The following RAD52 variants were observed in gnomAD, a reference collection of about 807,000 sequenced individuals.
RAD52 encodes the protein RAD52 DNA repair protein, also known as DNA repair protein RAD52 homolog.
In RAD52, 47 loss-of-function variants were observed where a neutral mutation model predicts 55.5. That is an observed-to-expected ratio of 0.85 (90% CI 0.67 to 1.08). The LOEUF (loss-of-function observed/expected upper bound fraction) is 1.08, where lower values mean the gene tolerates loss of function less well. Ranked by LOEUF, RAD52 falls within the 50% of genes least tolerant of loss-of-function variation. The pLI is 0.00. For synonymous variants in RAD52, 184 were observed against 198.9 expected, an observed-to-expected ratio of 0.92 and a Z score of 0.63; for missense variants, 468 against 522.8, an observed-to-expected ratio of 0.90 and a Z score of 1.02.
At chr12:985,451 TTTTTC>T (rs1283177040) in intron 1 of RAD52, among the ~76,000 whole-genome samples, 4 of 152,136 alleles carry the variant, frequency 2.6e-5, no homozygotes, top group Admixed American at 6.5e-5. Context: ...GGTCTCAATT[TTTTTC>T]TTTTGTTACT....
intron 1 of RAD52, among the ~76,000 whole-genome samples, chr12:940,011 G>T (rs1005073101): frequency 2.6e-5 from 4 of 152,144 alleles, no homozygotes; most frequent in African/African-American, 9.6e-5. Context: ...GGAGGCAGAG[G>T]TTGCAGTGAG....
intron 6 of RAD52, among the ~76,000 whole-genome samples, chr12:926,184 G>T (rs1246125100): frequency 2.0e-5 from 3 of 152,072 alleles, no homozygotes; most frequent in Non-Finnish European, 4.4e-5. Flanking sequence ...CTCAGCTCAT[G>T]AGAGATCTGG....
chr12:969,962 C>T (rs183873973), intron 1 of RAD52, among the ~76,000 whole-genome samples: 25 of 151,986 alleles, frequency 1.6e-4, no homozygotes, highest in East Asian at 5.8e-4. Context: ...ACAGACTTTG[C>T]GTCAGTGTGA....
intron 7 of RAD52, among the ~76,000 whole-genome samples, chr12:919,732 C>CA (rs1436942562): frequency 9.6e-6 from 1 of 104,142 alleles, no homozygotes; most frequent in Non-Finnish European, 2.0e-5. Flanking sequence ...GCCTGGGCGA[C>CA]AGAGCAAGAC....
intron 1 of RAD52, among the ~76,000 whole-genome samples, chr12:964,432 G>C (rs1015340846): frequency 2.0e-5 from 3 of 152,246 alleles, no homozygotes; most frequent in Admixed American, 2.0e-4. Context: ...GCCAGGTGTG[G>C]TGGTGTGTGC....
At chr12:990,934 C>CGTGTGTGTGTGT (rs758442595), upstream of RAD52, 20 of 99,418 alleles carry the variant, frequency 2.0e-4, no homozygotes, top group African/African-American at 6.1e-4. Context: ...CCGCAGGGGT[C>CGTGTGTGTGTGT]GTGTGTGTGT....
chr12:939,143 G>T (rs929517198), intron 1 of RAD52, among the ~76,000 whole-genome samples: 2 of 151,346 alleles, frequency 1.3e-5, no homozygotes, highest in African/African-American at 2.4e-5. Context: ...GAACCTAGGT[G>T]AAGGATATGC....
intron 1 of RAD52, among the ~76,000 whole-genome samples, chr12:983,768 AC>A (rs957606771): frequency 6.6e-6 from 1 of 152,092 alleles, no homozygotes; most frequent in Admixed American, 6.5e-5. Flanking sequence ...GATGTTTGTC[AC>A]TGGTATCTCT....
chr12:931,693 C>T (rs749082702), intron 2 of RAD52, among the ~76,000 whole-genome samples: 2 of 152,194 alleles, frequency 1.3e-5, no homozygotes, highest in African/African-American at 2.4e-5. Context: ...GCCTTAGCTG[C>T]TGCTACCATC....
At position 933,053 on chromosome 12, in the gene RAD52, A is replaced by C; in HGVS notation, c.6T>G (p.Ser2=). ...CTCCAAGAATTGCTTCCTCAGTCCC[A>C]GACATCTTGATTCTGGTTGACCTCT... M[S]GTEEAILGGR... The change falls in exon 2 of 12, where the codon TCT becomes TCG. Residue 2 remains serine, a synonymous_variant. Transcript: ENST00000358495. 1 of 1,613,510 alleles carries C rather than the reference A, an allele frequency of 6.2e-7. No individual in the cohort carries two copies. Among genetic ancestry groups the C allele is most frequent in the Non-Finnish European group, 8.5e-7 (1 of 1,179,800 alleles).
At chr12:961,094 G>C (rs542408798) in intron 1 of RAD52, among the ~76,000 whole-genome samples, 18 of 151,792 alleles carry the variant, frequency 1.2e-4, no homozygotes, top group African/African-American at 4.3e-4. Flanking sequence ...GAGGCGGGCC[G>C]ATCACCTGAG....
intron 1 of RAD52, among the ~76,000 whole-genome samples, chr12:984,956 C>T (rs924156486): frequency 8.6e-5 from 13 of 151,206 alleles, no homozygotes; most frequent in Non-Finnish European, 1.8e-4. Context: ...TGAGCCACCG[C>T]GCCTGTCCAC....
chr12:930,988 A>AAG (rs1294663537), intron 3 of RAD52, among the ~76,000 whole-genome samples: 1 of 151,762 alleles, frequency 6.6e-6, no homozygotes, highest in Admixed American at 6.6e-5. Flanking sequence ...AAAAAAAAAA[A>AAG]AAGATGATGT....
chr12:950,594 G>A (rs1365990060), upstream of RAD52, among the ~76,000 whole-genome samples: 2 of 131,152 alleles, frequency 1.5e-5, no homozygotes, highest in African/African-American at 5.5e-5. Context: ...AAAAGTTTTT[G>A]TAGCGACAGG....
At chr12:949,969 C>G (rs1000773981), upstream of RAD52, among the ~76,000 whole-genome samples, 4 of 152,190 alleles carry the variant, frequency 2.6e-5, no homozygotes, top group Non-Finnish European at 4.4e-5. Flanking sequence ...TCTGCTGCCC[C>G]CTGGTGGGCC....
At chr12:932,814 CACACACGTACTAGGTA>C (rs1957396276) in intron 2 of RAD52, among the ~76,000 whole-genome samples, 145 bp downstream of exon 2, 1 of 67,792 alleles carries the variant, frequency 1.5e-5, no homozygotes, top group Non-Finnish European at 4.1e-5. Context: ...AGGTACTGCT[CACACACGTACTAGGTA>C]AACGTACTAG....
chr12:978,686 C>T (rs1444799189), intron 1 of RAD52, among the ~76,000 whole-genome samples: 1 of 151,912 alleles, frequency 6.6e-6, no homozygotes, highest in Non-Finnish European at 1.5e-5. Context: ...ACCTGTAGTC[C>T]CAGCTACTCG....
intron 1 of RAD52, among the ~76,000 whole-genome samples, chr12:935,484 G>A (rs966498944): frequency 2.0e-5 from 3 of 150,982 alleles, no homozygotes; most frequent in South Asian, 4.2e-4. Context: ...GGGTTCAAGC[G>A]AATCTGCTGC....
chr12:937,558 TG>T (rs1274900970), intron 1 of RAD52, among the ~76,000 whole-genome samples: 2 of 152,116 alleles, frequency 1.3e-5, no homozygotes, highest in Non-Finnish European at 2.9e-5. Context: ...ACTGAATAGC[TG>T]GGATTACAGG....
Sources: allele counts gnomAD v4.1 joint callset (sites outside exome capture counted in the v4.1 genomes callset), GRCh38; gene constraint gnomAD v4.1.1; transcripts MANE v1.5; gene names NCBI Gene and HGNC (gene_info 2026-07-23, HGNC 2026-07-21).